Variants in TMEM63C observed in about 807,000 individuals in gnomAD.
TMEM63C encodes the protein osmosensitive cation channel TMEM63C.
TMEM63C carries 32 observed loss-of-function variants against 99.2 expected under a neutral mutation model. That is an observed-to-expected ratio of 0.32 (90% CI 0.24 to 0.43). The LOEUF (loss-of-function observed/expected upper bound fraction) is 0.43. TMEM63C is among the 20% of genes least tolerant of loss of function. The probability of loss-of-function intolerance (pLI) is 1.00; values close to 1 mark genes in which losing one functional copy is unlikely to be tolerated. For synonymous variants in TMEM63C, 376 were observed against 397.9 expected, an observed-to-expected ratio of 0.94 and a Z score of 0.66; for missense variants, 826 against 1,053.0, an observed-to-expected ratio of 0.78 and a Z score of 2.98.
intron 1 of TMEM63C, among the ~76,000 whole-genome samples, chr14:77,205,208 A>C (rs536223192): frequency 2.6e-5 from 4 of 152,208 alleles, no homozygotes; most frequent in Admixed American, 6.5e-5. Context: ...GACATGATGA[A>C]GCCAGAACAC....
chr14:77,233,519 C>A lies in TMEM63C; in HGVS notation c.542+19C>A. ...CCACAGAGTAGGTACCTGATCTTAA[C>A]CTCCCATTCCATTGGCTGGGGGTGT... On this transcript the variant is annotated intron_variant, in intron 8 of 23. Coordinates refer to ENST00000298351, the MANE Select transcript of TMEM63C (RefSeq NM_020431.4). 1 of 1,612,604 alleles carries A rather than the reference C, an allele frequency of 6.2e-7. No individual in the cohort carries two copies. The highest frequency in any genetic ancestry group is 1.3e-5 in the African/African-American group (1 of 75,028).
At chr14:77,201,781 G>T (rs1888304244) in intron 1 of TMEM63C, among the ~76,000 whole-genome samples, 1 of 152,246 alleles carries the variant, frequency 6.6e-6, no homozygotes, top group African/African-American at 2.4e-5. Context: ...AGGAAGTAGA[G>T]TGTCTCTGGG....
chr14:77,220,856 TCACTCACGCCCCGCCTCC>T (rs1247893338), intron 5 of TMEM63C, among the ~76,000 whole-genome samples: 13 of 83,690 alleles, frequency 1.6e-4, no homozygotes, highest in Non-Finnish European at 2.4e-4. Context: ...TCCTCACCTC[TCACTCACGCCCCGCCTCC>T]CACTCACGCC....
intron 9 of TMEM63C, among the ~76,000 whole-genome samples, chr14:77,237,596 C>T (rs182142141): frequency 6.6e-6 from 1 of 152,212 alleles, no homozygotes; most frequent in African/African-American, 2.4e-5. Context: ...TGGGTATTTT[C>T]CACCAGCTCC....
At chr14:77,208,087 A>G (rs1286295100) in intron 1 of TMEM63C, among the ~76,000 whole-genome samples, 2 of 152,208 alleles carry the variant, frequency 1.3e-5, no homozygotes, top group East Asian at 3.8e-4. Flanking sequence ...TGGGATAATA[A>G]TAGAACCTGC....
intron 1 of TMEM63C, among the ~76,000 whole-genome samples, chr14:77,191,376 G>C (rs1165155987): frequency 3.9e-5 from 6 of 152,092 alleles, no homozygotes; most frequent in Non-Finnish European, 5.9e-5. Flanking sequence ...GTAGCCTAAG[G>C]TGTGAGCTAT....
chr14:77,249,406 T>C lies in TMEM63C; in HGVS notation c.1986T>C (p.Phe662=). The C allele has an allele frequency of 1.3e-5, 21 of 1,614,034 alleles. No individual in the cohort carries two copies. Among genetic ancestry groups the C allele is most frequent in the Non-Finnish European group, 1.7e-5 (20 of 1,179,886 alleles). ...TGGCTGCCGTCTCCCAGGCCATCTT[T>C]GCGCCACTCTTGGGTCTGTTCTGGA... ...IHMAAVSQAI[F]APLLGLFWML... Residue 662 remains phenylalanine (F), a synonymous_variant, in exon 21 of 24, where the codon TTT becomes TTC. Transcript: ENST00000298351.
At chr14:77,253,156 G>A (rs1411300625) in intron 22 of TMEM63C, 149 bp from the exon 23 acceptor site, 9 of 713,922 alleles carry the variant, frequency 1.3e-5, no homozygotes, top group African/African-American at 8.7e-5. Context: ...CTGGGTCTCA[G>A]TCTTGCCAGG....
intron 1 of TMEM63C, among the ~76,000 whole-genome samples, chr14:77,200,419 A>G (rs556322791): frequency 6.6e-6 from 1 of 152,272 alleles, no homozygotes; most frequent in South Asian, 2.1e-4. Flanking sequence ...GTGAATAGAG[A>G]GCTCCCACTA....
chr14:77,194,332 A>G (rs906551870), intron 1 of TMEM63C, among the ~76,000 whole-genome samples: 1 of 59,350 alleles, frequency 1.7e-5, no homozygotes, highest in Non-Finnish European at 3.6e-5. Flanking sequence ...ATAGATATAT[A>G]TATATGTGTG....
At chr14:77,242,085 G>A (rs1255103097) in intron 13 of TMEM63C, among the ~76,000 whole-genome samples, 1 of 152,134 alleles carries the variant, frequency 6.6e-6, no homozygotes, top group Admixed American at 6.5e-5. Flanking sequence ...GGGAAAGGCA[G>A]AAACAGAACC....
At chr14:77,233,872 C>T (rs908285482) in intron 8 of TMEM63C, among the ~76,000 whole-genome samples, 4 of 152,142 alleles carry the variant, frequency 2.6e-5, no homozygotes, top group Admixed American at 6.5e-5. Flanking sequence ...GTCATATACC[C>T]GAGTGAATCA....
At chr14:77,194,518 T>TTTCC (rs1888174452) in intron 1 of TMEM63C, among the ~76,000 whole-genome samples, 1 of 40,562 alleles carries the variant, frequency 2.5e-5, no homozygotes, top group East Asian at 6.6e-4. Context: ...TCTTTCTTTC[T>TTTCC]TTCTTTCTTT....
intron 2 of TMEM63C, among the ~76,000 whole-genome samples, chr14:77,217,998 A>G (rs1888617728): frequency 6.6e-6 from 1 of 152,192 alleles, no homozygotes; most frequent in African/African-American, 2.4e-5. Flanking sequence ...AACAGAATGA[A>G]TAAGATCTAG....
intron 2 of TMEM63C, among the ~76,000 whole-genome samples, chr14:77,214,037 C>T (rs752081585): frequency 1.9e-4 from 29 of 151,880 alleles, no homozygotes; most frequent in Non-Finnish European, 3.7e-4. Flanking sequence ...CCCAGGCCAC[C>T]TCCTGTCCCC....
chr14:77,236,729 A>G lies in TMEM63C; in HGVS notation c.648A>G (p.Gln216=), dbSNP rs1486293570. The G allele has an allele frequency of 1.9e-6, 3 of 1,606,254 alleles. No homozygotes were observed. The Admixed American group carries it at 5.0e-5, about 27-fold the overall frequency. Residue 216 remains glutamine, a synonymous_variant, in exon 9 of 24, where the codon CAA becomes CAG. Coordinates refer to ENST00000298351, the MANE Select transcript of TMEM63C (RefSeq NM_020431.4). ...HCLGFAPRNS[Q]KVTRTLMITY... ...TGGGGTTTGCACCCAGGAATAGCCA[A>G]AAGGTAAGTAGCCTACAAAGCTGCT...
intron 6 of TMEM63C, among the ~76,000 whole-genome samples, chr14:77,231,197 C>T (rs1183022342): frequency 2.0e-5 from 3 of 151,232 alleles, no homozygotes; most frequent in Non-Finnish European, 4.4e-5. Flanking sequence ...TTCAGGTGTT[C>T]CTTTTTTCCT....
At chr14:77,221,647 A>G (rs1200429987) in intron 5 of TMEM63C, among the ~76,000 whole-genome samples, 13 of 34,498 alleles carry the variant, frequency 3.8e-4, no homozygotes, top group African/African-American at 3.8e-4. Flanking sequence ...TCCCTCTCAC[A>G]CCTCCCCTCC....
chr14:77,213,243 T>C (rs754349443), intron 1 of TMEM63C, among the ~76,000 whole-genome samples: 44 of 152,106 alleles, frequency 2.9e-4, no homozygotes, highest in Admixed American at 6.5e-4. Flanking sequence ...TTCAAAACTT[T>C]TACACTTCAA....
Sources: allele counts gnomAD v4.1 joint callset (sites outside exome capture counted in the v4.1 genomes callset), GRCh38; gene constraint gnomAD v4.1.1; transcripts MANE v1.5; gene names NCBI Gene and HGNC (gene_info 2026-07-23, HGNC 2026-07-21).